CWC27: variants seen among roughly 807,000 people sequenced by gnomAD.
CWC27 encodes the protein CWC27 spliceosome associated cyclophilin, also known as spliceosome-associated protein CWC27 homolog.
A neutral mutation model predicts 63.6 loss-of-function variants in CWC27; 47 were observed. The ratio of observed to expected loss-of-function variants is 0.74; its 90% confidence interval spans 0.58 to 0.94. The LOEUF (loss-of-function observed/expected upper bound fraction) is 0.94. Among genes scored for constraint, CWC27 ranks in the 40% least tolerant of loss-of-function variants. CWC27 has a pLI of 0.00. For synonymous variants in CWC27, 175 were observed against 179.8 expected, an observed-to-expected ratio of 0.97 and a Z score of 0.22; for missense variants, 495 against 554.3, an observed-to-expected ratio of 0.89 and a Z score of 1.07.
chr5:64,931,938 T>A (rs1351125294), intron 11 of CWC27, among the ~76,000 whole-genome samples: 2 of 152,054 alleles, frequency 1.3e-5, no homozygotes, highest in African/African-American at 4.8e-5. Flanking sequence ...CTTTTATATA[T>A]TTCCTATTTT....
chr5:64,832,410 T>A (rs77308445), intron 10 of CWC27, among the ~76,000 whole-genome samples: 1 of 151,954 alleles, frequency 6.6e-6, no homozygotes, highest in South Asian at 2.1e-4. Flanking sequence ...ACTAATAGTT[T>A]GTCTTTTTTT....
In CWC27 at chr5:64,972,770, C is replaced by A. The variant is rs374747793; in HGVS notation, c.1152+958C>A. The stretch of plus-strand genomic sequence containing the variant: ...TTCATTCATTCCTTCCCCCTCCCCC[C>A]ATTCCCTTGTAGCAAATAATTATTA... On this transcript the variant is annotated intron_variant, in intron 12 of 13. Coordinates refer to ENST00000381070, the MANE Select transcript of CWC27 (RefSeq NM_005869.4). The A allele has an allele frequency of 2.6e-5, 11 of 429,198 alleles. No homozygotes were observed. The East Asian group carries it at 4.2e-4, about 16-fold the overall frequency. The allele number at this position is 429,198 out of a possible 1,614,324, so 26.6% of individuals were successfully genotyped here. A position where few individuals can be genotyped will look rare whatever the true frequency, so the allele number is the denominator to read the frequency against.
chr5:64,916,303 TG>T (rs1747886407), intron 11 of CWC27, among the ~76,000 whole-genome samples: 1 of 152,168 alleles, frequency 6.6e-6, no homozygotes, highest in Non-Finnish European at 1.5e-5. Flanking sequence ...CAAAAGCCAA[TG>T]GAGTATCATG....
chr5:64,962,555 C>T (rs1748935807), intron 11 of CWC27, among the ~76,000 whole-genome samples: 1 of 152,090 alleles, frequency 6.6e-6, no homozygotes, highest in African/African-American at 2.4e-5. Context: ...TGCCATTTTT[C>T]AGAACTCTAT....
At chr5:64,950,881 A>G (rs1014146873) in intron 11 of CWC27, among the ~76,000 whole-genome samples, 2 of 152,108 alleles carry the variant, frequency 1.3e-5, no homozygotes, top group South Asian at 4.1e-4. Context: ...GAATGGTGTC[A>G]TACAATGTGT....
At chr5:64,893,153 T>A (rs1042970207) in intron 11 of CWC27, among the ~76,000 whole-genome samples, 6 of 152,252 alleles carry the variant, frequency 3.9e-5, no homozygotes, top group Non-Finnish European at 8.8e-5. Flanking sequence ...GGAACTAATA[T>A]CATCATTAAA....
chr5:64,955,868 A>G (rs1343288335), intron 11 of CWC27, among the ~76,000 whole-genome samples: 1 of 152,164 alleles, frequency 6.6e-6, no homozygotes, highest in East Asian at 1.9e-4. Flanking sequence ...GATATTTTCC[A>G]AAGTTCCTTA....
intron 13 of CWC27, among the ~76,000 whole-genome samples, chr5:64,987,178 G>T (rs776131277): frequency 6.6e-6 from 1 of 151,828 alleles, no homozygotes; most frequent in Non-Finnish European, 1.5e-5. Context: ...TGGATTATTT[G>T]AGCATTTTTT....
At chr5:64,821,842 C>T (rs1472008137) in intron 10 of CWC27, among the ~76,000 whole-genome samples, 1 of 152,118 alleles carries the variant, frequency 6.6e-6, no homozygotes, top group Non-Finnish European at 1.5e-5. Flanking sequence ...ATTATACCTC[C>T]GTTGAGATGA....
intron 13 of CWC27, among the ~76,000 whole-genome samples, chr5:65,011,636 A>G (rs571640321): frequency 6.6e-6 from 1 of 152,358 alleles, no homozygotes; most frequent in Admixed American, 6.5e-5. Flanking sequence ...TTCCTTGTGT[A>G]GACAATGGAG....
intron 11 of CWC27, among the ~76,000 whole-genome samples, chr5:64,945,070 A>G (rs972166303): frequency 1.4e-4 from 22 of 152,048 alleles, no homozygotes; most frequent in Admixed American, 9.8e-4. Context: ...CCTCAGGGCC[A>G]TTGCTCATGC....
At chr5:64,972,290 T>C (rs1037333252) in intron 12 of CWC27, among the ~76,000 whole-genome samples, 3 of 152,262 alleles carry the variant, frequency 2.0e-5, no homozygotes, top group Middle Eastern at 3.4e-3. Flanking sequence ...CCTGAATCTT[T>C]AGGTAGTAAT....
intron 11 of CWC27, among the ~76,000 whole-genome samples, chr5:64,965,092 AAAAT>A (rs1748989484): frequency 1.3e-5 from 2 of 152,188 alleles, no homozygotes; most frequent in Non-Finnish European, 2.9e-5. Context: ...TCTGTCTCAA[AAAAT>A]AAATAAATAA....
intron 11 of CWC27, among the ~76,000 whole-genome samples, chr5:64,895,983 C>G (rs529727331): frequency 6.6e-6 from 1 of 152,164 alleles, no homozygotes; most frequent in East Asian, 1.9e-4. Context: ...AGAGATGATA[C>G]TGAGTGTTTT....
intron 11 of CWC27, among the ~76,000 whole-genome samples, chr5:64,922,981 C>T (rs1343223861): frequency 6.6e-6 from 1 of 152,142 alleles, no homozygotes; most frequent in African/African-American, 2.4e-5. Context: ...CAAGGTTAAG[C>T]CCCAGTTGGG....
At chr5:64,945,099 G>A (rs1033399082) in intron 11 of CWC27, among the ~76,000 whole-genome samples, 2 of 152,122 alleles carry the variant, frequency 1.3e-5, no homozygotes, top group African/African-American at 4.8e-5. Flanking sequence ...TTTCTGGACT[G>A]TGGTTCCTCC....
intron 11 of CWC27, among the ~76,000 whole-genome samples, chr5:64,943,620 T>A (rs960824763): frequency 7.2e-5 from 11 of 152,214 alleles, no homozygotes; most frequent in African/African-American, 2.2e-4. Context: ...ACATTTTGGA[T>A]ACATCAGGTA....
chr5:64,916,560 G>C (rs1465332246), intron 11 of CWC27, among the ~76,000 whole-genome samples: 1 of 152,146 alleles, frequency 6.6e-6, no homozygotes, highest in African/African-American at 2.4e-5. Flanking sequence ...CTTCAGTGCA[G>C]AAACTCTTCT....
At chr5:65,001,002 C>T (rs1749722919) in intron 13 of CWC27, among the ~76,000 whole-genome samples, 1 of 151,956 alleles carries the variant, frequency 6.6e-6, no homozygotes, top group African/African-American at 2.4e-5. Flanking sequence ...CAGTTTCTTT[C>T]ATCAGTGTTT....
Sources: allele counts gnomAD v4.1 joint callset (sites outside exome capture counted in the v4.1 genomes callset), GRCh38; gene constraint gnomAD v4.1.1; transcripts MANE v1.5; gene names NCBI Gene and HGNC (gene_info 2026-07-23, HGNC 2026-07-21).